LRRC4C: variants seen among roughly 807,000 people sequenced by gnomAD.
The protein encoded by LRRC4C is leucine rich repeat containing 4C.
In LRRC4C, 5 loss-of-function variants were observed where a neutral mutation model predicts 33.6. That is an observed-to-expected ratio of 0.15 (90% CI 0.08 to 0.31). LRRC4C has a LOEUF of 0.31. Among genes scored for constraint, LRRC4C ranks in the 10% least tolerant of loss-of-function variants. The pLI is 1.00. For synonymous variants in LRRC4C, 329 were observed against 302.0 expected (o/e 1.09, Z -0.93); for missense variants, 560 against 796.7 (o/e 0.70, Z 3.58).
At chr11:40,489,594 A>G (rs1954043415) in intron 3 of LRRC4C, among the ~76,000 whole-genome samples, 1 of 152,156 alleles carries the variant, frequency 6.6e-6, no homozygotes, top group Non-Finnish European at 1.5e-5. Flanking sequence ...CCTGGAACAT[A>G]TTCAGTAGCC....
chr11:40,840,933 T>C (rs1306672913), intron 2 of LRRC4C, among the ~76,000 whole-genome samples: 3 of 152,212 alleles, frequency 2.0e-5, no homozygotes, highest in Non-Finnish European at 4.4e-5. Context: ...CTCTTGTTAA[T>C]TATTAGAATT....
chr11:40,521,230 G>T (rs1955797907), intron 3 of LRRC4C, among the ~76,000 whole-genome samples: 1 of 152,146 alleles, frequency 6.6e-6, no homozygotes, highest in South Asian at 2.1e-4. Flanking sequence ...CAAAATATCT[G>T]CATAGCTTGC....
chr11:40,826,820 T>C (rs1952188003), intron 2 of LRRC4C, among the ~76,000 whole-genome samples: 1 of 151,970 alleles, frequency 6.6e-6, no homozygotes, highest in East Asian at 1.9e-4. Context: ...TTCAATTCAG[T>C]AACTAAAATA....
intron 1 of LRRC4C, among the ~76,000 whole-genome samples, chr11:40,993,956 A>G (rs1853775054): frequency 6.6e-6 from 1 of 152,122 alleles, no homozygotes; most frequent in Non-Finnish European, 1.5e-5. Context: ...TTGGCACATT[A>G]TAAAAGCTAT....
intron 6 of LRRC4C, among the ~76,000 whole-genome samples, chr11:40,137,158 G>A (rs1356914614): frequency 7.0e-6 from 1 of 143,446 alleles, no homozygotes; most frequent in Non-Finnish European, 1.5e-5. Flanking sequence ...GTATGCACGT[G>A]GGCACGTGTG....
intron 2 of LRRC4C, among the ~76,000 whole-genome samples, chr11:40,753,148 G>A (rs975162090): frequency 6.6e-6 from 1 of 151,916 alleles, no homozygotes; most frequent in Non-Finnish European, 1.5e-5. Context: ...GTGTAAGGAT[G>A]GGAGGGGGAA....
chr11:40,160,732 G>T (rs540263129), intron 5 of LRRC4C, among the ~76,000 whole-genome samples: 1 of 152,250 alleles, frequency 6.6e-6, no homozygotes, highest in East Asian at 1.9e-4. Flanking sequence ...TCAAATGTCT[G>T]CCAGATCCAA....
At chr11:40,951,956 G>T (rs912990458) in intron 1 of LRRC4C, among the ~76,000 whole-genome samples, 1 of 151,706 alleles carries the variant, frequency 6.6e-6, no homozygotes, top group African/African-American at 2.4e-5. Flanking sequence ...TGCCCAATCT[G>T]TTCAAATGGG....
At position 40,175,921 on chromosome 11, in the gene LRRC4C, C is replaced by T. The variant is rs137950411; in HGVS notation, c.-95-35068G>A. Among the ~76,000 whole-genome samples the T allele has an allele frequency of 2.1e-3, 318 of 152,222 alleles. 1 individual carries two copies. Among genetic ancestry groups the T allele is most frequent in the African/African-American group, 7.2e-3 (300 of 41,516 alleles). ...TAAACGGGATTTCAGCTACTGTGTC[C>T]CATGCCCTGAACTAAATTCTGGAGC... On this transcript the variant is annotated intron_variant, in intron 5 of 6. Transcript: ENST00000528697.
chr11:40,606,075 C>T (rs1960556197), intron 3 of LRRC4C, among the ~76,000 whole-genome samples: 2 of 152,120 alleles, frequency 1.3e-5, no homozygotes, highest in South Asian at 4.1e-4. Context: ...TTGTCTCTCC[C>T]TCATGGGGGT....
At chr11:40,159,044 T>A (rs138750291) in intron 5 of LRRC4C, among the ~76,000 whole-genome samples, 9 of 152,266 alleles carry the variant, frequency 5.9e-5, no homozygotes, top group African/African-American at 2.2e-4. Context: ...TGGGGATGGA[T>A]TGTAATTATA....
chr11:40,250,585 C>G (rs1267263732), intron 4 of LRRC4C, among the ~76,000 whole-genome samples: 2 of 151,740 alleles, frequency 1.3e-5, no homozygotes, highest in Non-Finnish European at 2.9e-5. Context: ...ACTAAAGATA[C>G]AAAAATTAGC....
At chr11:40,777,313 C>T (rs1250020286) in intron 2 of LRRC4C, among the ~76,000 whole-genome samples, 1 of 152,128 alleles carries the variant, frequency 6.6e-6, no homozygotes, top group African/African-American at 2.4e-5. Context: ...CTAATATTGT[C>T]TGCGGGGTGT....
chr11:40,639,930 A>AT (rs61055829), intron 3 of LRRC4C, among the ~76,000 whole-genome samples: 51 of 149,430 alleles, frequency 3.4e-4, no homozygotes, highest in Admixed American at 5.3e-4. Context: ...ACATAGACTG[A>AT]TTTTTTTTTT....
chr11:40,909,426 G>T (rs1956567414), intron 2 of LRRC4C, among the ~76,000 whole-genome samples: 1 of 152,110 alleles, frequency 6.6e-6, no homozygotes, highest in South Asian at 2.1e-4. Context: ...CAGTAAGAAG[G>T]CTATTAACTA....
At chr11:41,315,738 A>G (rs1950767209) in intron 1 of LRRC4C, among the ~76,000 whole-genome samples, 1 of 152,216 alleles carries the variant, frequency 6.6e-6, no homozygotes, top group Non-Finnish European at 1.5e-5. Context: ...TAAGTTCTGA[A>G]TAAGTTTGTT....
At chr11:41,304,674 G>A in intron 1 of LRRC4C, among the ~76,000 whole-genome samples, 1 of 105,808 alleles carries the variant, frequency 9.5e-6, no homozygotes, top group Non-Finnish European at 1.9e-5. Context: ...GGGAGGTTGG[G>A]GGGTCAGCCC....
At chr11:40,872,547 G>A (rs748290417) in intron 2 of LRRC4C, among the ~76,000 whole-genome samples, 2 of 151,896 alleles carry the variant, frequency 1.3e-5, no homozygotes, top group Non-Finnish European at 2.9e-5. Flanking sequence ...TTACTTAAAT[G>A]TCTCTTCTTA....
intron 1 of LRRC4C, among the ~76,000 whole-genome samples, chr11:41,247,791 A>C (rs981809733): frequency 1.1e-4 from 16 of 152,120 alleles, no homozygotes; most frequent in African/African-American, 3.6e-4. Context: ...AGTTGTAGTA[A>C]ATTTAACTTT....
Sources: allele counts gnomAD v4.1 joint callset (sites outside exome capture counted in the v4.1 genomes callset), GRCh38; gene constraint gnomAD v4.1.1; transcripts MANE v1.5; gene names NCBI Gene and HGNC (gene_info 2026-07-23, HGNC 2026-07-21).